Variants in LAMB3 observed in about 807,000 individuals in gnomAD.
The protein encoded by LAMB3 is laminin subunit beta 3, also known as laminin subunit beta-3.
LAMB3 carries 104 observed loss-of-function variants against 140.3 expected under a neutral mutation model. The ratio of observed to expected loss-of-function variants is 0.74; its 90% CI spans 0.63 to 0.87. The LOEUF (loss-of-function observed/expected upper bound fraction) is 0.87, where lower values mean the gene tolerates loss of function less well. LAMB3 is among the 40% of genes least tolerant of loss of function. The probability of loss-of-function intolerance (pLI) is 0.00; values close to 1 mark genes in which losing one functional copy is unlikely to be tolerated. For synonymous variants in LAMB3, 592 were observed against 602.9 expected (o/e 0.98, Z 0.26); for missense variants, 1,531 against 1,575.2 (o/e 0.97, Z 0.47).
At position 209,615,103 on chromosome 1, in the gene LAMB3, T is replaced by G; in HGVS notation, c.*168A>C. The G allele has an allele frequency of 1.4e-6, 1 of 735,150 alleles. No individual in the cohort carries two copies. Among genetic ancestry groups the G allele is most frequent in the Non-Finnish European group, 2.2e-6 (1 of 445,960 alleles). The allele number at this position is 735,150 out of a possible 1,614,324, so 45.5% of individuals were successfully genotyped here. On this transcript the variant is annotated 3_prime_UTR_variant, in exon 23 of 23. Transcript: ENST00000356082. ...GTGTAACTGTCCCATTGGCTCAGGCTCAGCTGCAGCTCAGGGTAATCTTAC... is the reference window on the plus strand; with the variant it reads ...GTGTAACTGTCCCATTGGCTCAGGCGCAGCTGCAGCTCAGGGTAATCTTAC...
intron 18 of LAMB3, among the ~76,000 whole-genome samples, chr1:209,620,177 T>A (rs142588296): frequency 2.6e-4 from 39 of 152,340 alleles, no homozygotes; most frequent in African/African-American, 9.4e-4. Flanking sequence ...ATGGGCTCAG[T>A]AAATATTTAC....
At chr1:209,648,076 T>G (rs965038296) in intron 3 of LAMB3, among the ~76,000 whole-genome samples, 1 of 152,234 alleles carries the variant, frequency 6.6e-6, no homozygotes, top group Non-Finnish European at 1.5e-5. Context: ...AGGGAGTCTC[T>G]ATGCCTTTAG....
rs1164742063 is a variant in LAMB3, at chr1:209,630,746, G to A, written c.823-11C>T. 6 of 1,613,566 alleles carry A rather than the reference G, an allele frequency of 3.7e-6. No individual in the cohort carries two copies. The highest frequency in any genetic ancestry group is 5.1e-6 in the Non-Finnish European group (6 of 1,179,916). ...ACAGACATCGTGGACCTGGGAGGGG[G>A]ACCGTCAGCCATCAGGAGTAATCAA... On this transcript the variant is annotated splice_polypyrimidine_tract_variant and intron_variant, in intron 8 of 22. Transcript: ENST00000356082.
chr1:209,617,845 C>G, intron 20 of LAMB3, 62 bp downstream of exon 20: 1 of 1,605,280 alleles, frequency 6.2e-7, no homozygotes, highest in Non-Finnish European at 8.5e-7. Context: ...ATTTTCTATG[C>G]CTGGTGCCCA....
intron 3 of LAMB3, among the ~76,000 whole-genome samples, chr1:209,649,619 C>T (rs2076547256): frequency 6.6e-6 from 1 of 152,198 alleles, no homozygotes; most frequent in South Asian, 2.1e-4. Flanking sequence ...ACACATGAGG[C>T]TCCATACACA....
chr1:209,648,666 G>A (rs1183522542), intron 3 of LAMB3, among the ~76,000 whole-genome samples: 1 of 152,058 alleles, frequency 6.6e-6, no homozygotes, highest in East Asian at 1.9e-4. Context: ...AAACTTTTCA[G>A]ACAGGACTGG....
At chr1:209,624,883 G>A (rs1039786397) in intron 14 of LAMB3, among the ~76,000 whole-genome samples, 1 of 69,456 alleles carries the variant, frequency 1.4e-5, no homozygotes, top group African/African-American at 7.1e-5. Flanking sequence ...AGAGAGAGAG[G>A]AAGGAAGGAA....
chr1:209,618,528 C>T lies in LAMB3; in HGVS notation c.2833G>A (p.Val945Met), dbSNP rs777389254. 7.4e-6 allele frequency: 12 copies of T among 1,614,164 alleles called. No homozygotes were observed. The highest frequency in any genetic ancestry group is 1.6e-4 in the Middle Eastern group (1 of 6,084). ...IQAIAARLPN[V>M]DLVLSQTKQD... ...TTGGTCTGGGACAGCACCAAGTCCA[C>T]GTTGGGGAGCCTGGCTGCAATGGCC... The change falls in exon 19 of 23, where the codon GTG (valine) becomes ATG (methionine). Residue 945 changes from valine to methionine, a missense_variant. By Grantham distance (21) the Val-to-Met change is conservative. Coordinates refer to ENST00000356082, the MANE Select transcript of LAMB3 (RefSeq NM_000228.3).
chr1:209,644,820 C>T (rs1571836217), intron 3 of LAMB3, among the ~76,000 whole-genome samples: 1 of 152,134 alleles, frequency 6.6e-6, no homozygotes. Context: ...GCTAGTGTGC[C>T]GGGGACCTCT....
At chr1:209,640,012 C>G (rs941578065) in intron 3 of LAMB3, among the ~76,000 whole-genome samples, 32 of 152,240 alleles carry the variant, frequency 2.1e-4, no homozygotes, top group Non-Finnish European at 3.8e-4. Flanking sequence ...CACCCATCTT[C>G]CCTCTCCAAA....
chr1:209,642,622 G>T (rs2076479589), intron 3 of LAMB3, among the ~76,000 whole-genome samples: 1 of 152,142 alleles, frequency 6.6e-6, no homozygotes, highest in Admixed American at 6.5e-5. Flanking sequence ...AGGATTACAG[G>T]CACATGCCAC....
chr1:209,644,690 T>A (rs1241510732), intron 3 of LAMB3, among the ~76,000 whole-genome samples: 1 of 151,968 alleles, frequency 6.6e-6, no homozygotes, highest in Non-Finnish European at 1.5e-5. Context: ...AATTTCAGAG[T>A]TGGTTTTCAG....
In LAMB3 at chr1:209,628,051, G is replaced by A; in HGVS notation, c.1272C>T (p.Asn424=). ...KPGFTGLTYA[N]PQGCHRCDCN... is the part of the protein sequence containing the mutation. ...CCTACTCACGGTGGCAGCCCTGCGGGTTGGCGTAGGTGAGTCCAGTGAAGC... is the reference window on the plus strand; with the variant it reads ...CCTACTCACGGTGGCAGCCCTGCGGATTGGCGTAGGTGAGTCCAGTGAAGC... Residue 424 remains asparagine, a synonymous_variant, in exon 11 of 23, where the codon AAC becomes AAT. Transcript: ENST00000356082. 1.9e-6 allele frequency: 3 copies of A among 1,606,124 alleles called. No homozygotes were observed. The highest frequency in any genetic ancestry group is 2.6e-6 in the Non-Finnish European group (3 of 1,176,162).
chr1:209,625,312 T>G (rs1666391547), intron 14 of LAMB3, among the ~76,000 whole-genome samples: 1 of 152,100 alleles, frequency 6.6e-6, no homozygotes, highest in African/African-American at 2.4e-5. Context: ...TCGGATGCCC[T>G]CCGCCAGGGT....
intron 3 of LAMB3, among the ~76,000 whole-genome samples, chr1:209,649,051 A>T (rs2076542156): frequency 6.6e-6 from 1 of 152,090 alleles, no homozygotes; most frequent in Admixed American, 6.5e-5. Context: ...CAGCAACTCC[A>T]GTCATTTCCC....
chr1:209,645,805 A>G (rs527621704), intron 3 of LAMB3, among the ~76,000 whole-genome samples: 16 of 152,262 alleles, frequency 1.1e-4, no homozygotes, highest in Admixed American at 7.8e-4. Context: ...CATAGTACAT[A>G]TATGAACACA....
At chr1:209,645,107 C>T (rs910236320) in intron 3 of LAMB3, among the ~76,000 whole-genome samples, 1 of 152,198 alleles carries the variant, frequency 6.6e-6, no homozygotes, top group Non-Finnish European at 1.5e-5. Flanking sequence ...AAGAATCTCA[C>T]ATTCCACCAA....
At chr1:209,644,248 C>T (rs1437450606) in intron 3 of LAMB3, among the ~76,000 whole-genome samples, 3 of 152,192 alleles carry the variant, frequency 2.0e-5, no homozygotes, top group Non-Finnish European at 2.9e-5. Flanking sequence ...TGTGTTTTTC[C>T]TTATCACGAA....
rs1307953034 is a variant in LAMB3, at chr1:209,618,609, C to T, written c.2752G>A (p.Ala918Thr). The T allele has an allele frequency of 1.9e-6, 3 of 1,614,130 alleles. No individual in the cohort carries two copies. The highest frequency in any genetic ancestry group is 2.5e-6 in the Non-Finnish European group (3 of 1,180,060). Residue 918 changes from alanine to threonine, a missense_variant, in exon 19 of 23, where the codon GCC becomes ACC. By Grantham distance (58) the Ala-to-Thr change is moderately conservative (BLOSUM62 0). Coordinates refer to ENST00000356082, the MANE Select transcript of LAMB3 (RefSeq NM_000228.3). ...TIQEVSEAVL[A>T]LWLPTDSATV... The stretch of plus-strand genomic sequence containing the variant: ...GCTGAGTCTGTGGGCAGCCACAGGG[C>T]CAGCACGGCCTCGCTGACCTCCTGG...
Sources: gnomAD v4.1 joint callset for allele counts (sites outside exome capture counted in the v4.1 genomes callset) on GRCh38, gnomAD v4.1.1 for gene constraint, MANE v1.5 for transcripts, NCBI Gene and HGNC (gene_info 2026-07-23, HGNC 2026-07-21) for gene names.